SEPTIN1: variants seen among roughly 807,000 people sequenced by gnomAD.
SEPTIN1 encodes septin 1.
In SEPTIN1, 52 loss-of-function variants were observed where a neutral mutation model predicts 50.7. The ratio of observed to expected loss-of-function variants is 1.03; its 90% CI spans 0.82 to 1.29. The LOEUF is 1.29. Among genes scored for constraint, SEPTIN1 ranks in the 50% most tolerant of loss-of-function variants. The pLI, the probability that SEPTIN1 is intolerant of heterozygous loss-of-function variation, is 0.00. For missense variants in SEPTIN1, 455 were observed against 490.7 expected, an observed-to-expected ratio of 0.93 and a Z score of 0.69; for synonymous variants, 204 against 189.1, an observed-to-expected ratio of 1.08 and a Z score of -0.65.
chr16:30,379,854 G>T, intron 7 of SEPTIN1, 78 bp downstream of exon 7: 3 of 795,060 alleles, frequency 3.8e-6, no homozygotes, highest in Non-Finnish European at 4.2e-6. Context: ...GGATCCTCCC[G>T]TCTCAGCCTC....
intron 7 of SEPTIN1, 104 bp from the exon 8 acceptor site, chr16:30,379,638 C>CT: frequency 2.0e-5 from 6 of 295,660 alleles, no homozygotes; most frequent in South Asian, 7.6e-5. Flanking sequence ...CTGCCCCTTC[C>CT]TCTTTTTTTT....
chr16:30,381,563 T>C lies in SEPTIN1; in HGVS notation c.321-90A>G. ...CAGGACTGTGGGAGTAGAATGTCAT[T>C]TCTTTGGCTCCCTCCAAAGACATTA... is the stretch of plus-strand genomic sequence containing the variant. On this transcript the variant is annotated intron_variant, in intron 4 of 10. Coordinates refer to ENST00000321367, the MANE Select transcript of SEPTIN1 (RefSeq NM_001365977.2). The surrounding 1 kb of genome is among the most constrained non-coding windows in gnomAD (Gnocchi z 4.3). 22 of 1,540,890 alleles carry C rather than the reference T, an allele frequency of 1.4e-5. No individual in the cohort carries two copies. Among genetic ancestry groups the C allele is most frequent in the Non-Finnish European group, 2.0e-5 (22 of 1,122,990 alleles).
intron 8 of SEPTIN1, 114 bp downstream of exon 8, chr16:30,379,321 C>T: frequency 7.0e-7 from 1 of 1,429,066 alleles, no homozygotes; most frequent in Non-Finnish European, 9.7e-7. Flanking sequence ...ACCCCCCTTT[C>T]CTCCTAGGAT....
Position 30,382,177 on chromosome 16 carries a change from C to A in SEPTIN1, c.112G>T (p.Glu38Ter). ...GFDFTLMVAG[E>*]SGLGKSTLIN... The stretch of plus-strand genomic sequence containing the variant: ...AGGGTGGATTTCCCTAGGCCTGACT[C>A]CCCTGTGGACAGAACAGGCCCAACT... Residue 38 changes from glutamate to a stop codon, truncating the protein, a stop_gained and splice_region_variant, in exon 3 of 11, where the codon GAG (glutamate) becomes TAG (stop). Coordinates refer to ENST00000321367, the MANE Select transcript of SEPTIN1 (RefSeq NM_001365977.2). LOFTEE classifies it high-confidence loss of function. This position sits in a 1 kb window ranked among gnomAD's most constrained non-coding sequence, Gnocchi z 4.8. 1 of 1,610,832 alleles carries A rather than the reference C, an allele frequency of 6.2e-7. No homozygotes were observed. The highest frequency in any genetic ancestry group is 8.5e-7 in the Non-Finnish European group (1 of 1,178,528).
intron 8 of SEPTIN1, 70 bp from the exon 9 acceptor site, chr16:30,379,253 G>T: frequency 6.3e-7 from 1 of 1,581,646 alleles, no homozygotes; most frequent in African/African-American, 1.3e-5. Flanking sequence ...TAAGGGTCGG[G>T]TCTACAGGAA....
At chr16:30,379,877 G>A (rs945522183) in intron 7 of SEPTIN1, 55 bp downstream of exon 7, 8 of 961,098 alleles carry the variant, frequency 8.3e-6, no homozygotes, top group Non-Finnish European at 1.3e-5. Flanking sequence ...AAAGTGCTGG[G>A]ATTACAGACG....
At position 30,379,899 on chromosome 16, in the gene SEPTIN1, G is replaced by C. The variant is rs200932516; in HGVS notation, c.675+33C>G. The C allele has an allele frequency of 2.6e-4, 316 of 1,203,674 alleles. 1 individual carries two copies. In the East Asian group the frequency reaches 4.0e-3, roughly 15 times the overall value. The allele number at this position is 1,203,674 out of a possible 1,614,324, so 74.6% of individuals were successfully genotyped here. On this transcript the variant is annotated intron_variant, in intron 7 of 10. Transcript: ENST00000321367. Reference sequence around the variant, plus strand: ...TGGGATTACAGACGTGAGCCACCGTGCCCGGCCTGCCTTCCTTCTTTGTTT... The same window carrying C: ...TGGGATTACAGACGTGAGCCACCGTCCCCGGCCTGCCTTCCTTCTTTGTTT...
At chr16:30,379,303 G>T (rs2049805001) in intron 8 of SEPTIN1, 120 bp from the exon 9 acceptor site, 2 of 1,457,588 alleles carry the variant, frequency 1.4e-6, no homozygotes, top group Non-Finnish European at 1.9e-6. Flanking sequence ...GCGGTCTGCA[G>T]CCCAGCGACC....
At chr16:30,379,562 A>G in intron 7 of SEPTIN1, 28 bp from the exon 8 acceptor site, 1 of 1,549,398 alleles carries the variant, frequency 6.5e-7, no homozygotes, top group Non-Finnish European at 8.9e-7. Context: ...GGGGTTCACC[A>G]TTGGCTCACA....
At chr16:30,382,641 C>T (rs1597009807), upstream of SEPTIN1, 1 of 1,541,562 alleles carries the variant, frequency 6.5e-7, no homozygotes. The surrounding 1 kb of genome is among the most constrained non-coding windows in gnomAD (Gnocchi z 4.8). Context: ...GATGCTCAAA[C>T]TGGCCCAGTC....
Position 30,381,906 on chromosome 16 carries a change from G to A in SEPTIN1, c.197-23C>T, listed in dbSNP as rs1391596721. On this transcript the variant is annotated intron_variant, in intron 3 of 10. Transcript: ENST00000321367. The surrounding 1 kb of genome is among the most constrained non-coding windows in gnomAD (Gnocchi z 4.3). ...GAGCTGTGGGATGGGGGAGAGGTCA[G>A]GGATCCGGGGAGGCTCTGAGGCAGA... 4 of 1,613,550 alleles carry A rather than the reference G, an allele frequency of 2.5e-6. No individual in the cohort carries two copies. The highest frequency in any genetic ancestry group is 3.3e-4 in the Middle Eastern group (2 of 6,082).
At position 30,381,063 on chromosome 16, in the gene SEPTIN1, A is replaced by G. The variant is rs2049840324; in HGVS notation, c.573+64T>C. The G allele has an allele frequency of 7.9e-7, 1 of 1,272,652 alleles. No homozygotes were observed. The highest frequency in any genetic ancestry group is 1.5e-5 in the African/African-American group (1 of 68,286). The allele number at this position is 1,272,652 out of a possible 1,614,324, so 78.8% of individuals were successfully genotyped here. ...CAGAAAGGCCACTTCAAGATCAAAG[A>G]AGTCTAAGCTGAAATCAGGTTTGGC... is the stretch of plus-strand genomic sequence containing the variant. On this transcript the variant is annotated intron_variant, in intron 6 of 10. Transcript: ENST00000321367. This position sits in a 1 kb window ranked among gnomAD's most constrained non-coding sequence, Gnocchi z 4.3.
intron 6 of SEPTIN1, chr16:30,380,804 G>T (rs2049835032): frequency 2.7e-6 from 1 of 370,918 alleles, no homozygotes; most frequent in Non-Finnish European, 5.0e-6. Context: ...GGCCGAGAGA[G>T]ATATAAGCAG....
Position 30,381,840 on chromosome 16 carries a change from C to A in SEPTIN1, c.240G>T (p.Glu80Asp), listed in dbSNP as rs764309781. 1.9e-6 allele frequency: 3 copies of A among 1,614,220 alleles called. No individual in the cohort carries two copies. The East Asian group carries it at 6.7e-5, about 36-fold the overall frequency. ...QTLAIERRGV[E>D]IEEGGVKVKL... is the part of the protein sequence containing the mutation. Reference sequence around the variant, plus strand: ...TCACTTTCACACCCCCTTCCTCAATCTCTACGCCCCGGCGCTCAATGGCCA... The same window carrying A: ...TCACTTTCACACCCCCTTCCTCAATATCTACGCCCCGGCGCTCAATGGCCA... The change falls in exon 4 of 11, where the codon GAG (glutamate) becomes GAT (aspartate). Residue 80 changes from glutamate to aspartate, a missense_variant. Glu to Asp is a conservative substitution (Grantham distance 45). Coordinates refer to ENST00000321367, the MANE Select transcript of SEPTIN1 (RefSeq NM_001365977.2). The surrounding 1 kb of genome is among the most constrained non-coding windows in gnomAD (Gnocchi z 4.3).
Position 30,379,501 on chromosome 16 carries a change from C to G in SEPTIN1, c.709G>C (p.Glu237Gln), listed in dbSNP as rs754938047. Residue 237 changes from glutamate to glutamine, a missense_variant, in exon 8 of 11, where the codon GAG becomes CAG. By Grantham distance (29) the Glu-to-Gln change is conservative. Coordinates refer to ENST00000321367, the MANE Select transcript of SEPTIN1 (RefSeq NM_001365977.2). The part of the protein sequence containing the change: ...SIPFAVVGSC[E>Q]VVRDGGNRPV... ...CGGTTCCCGCCATCCCTCACCACCTCGCATGATCCCACGACTGCAAAAGGG... is the reference window on the plus strand; with the variant it reads ...CGGTTCCCGCCATCCCTCACCACCTGGCATGATCCCACGACTGCAAAAGGG... 2 of 1,613,954 alleles carry G rather than the reference C, an allele frequency of 1.2e-6. No individual in the cohort carries two copies. Among genetic ancestry groups the G allele is most frequent in the Non-Finnish European group, 8.5e-7 (1 of 1,180,012 alleles).
chr16:30,382,725 G>A, upstream of SEPTIN1: 1 of 1,536,074 alleles, frequency 6.5e-7, no homozygotes, highest in South Asian at 1.2e-5. This position sits in a 1 kb window ranked among gnomAD's most constrained non-coding sequence, Gnocchi z 4.8. Flanking sequence ...CCCATCACCT[G>A]TCTACGTACC....
chr16:30,379,238 A>C (rs62055458), intron 8 of SEPTIN1, 55 bp from the exon 9 acceptor site: 21 of 1,599,218 alleles, frequency 1.3e-5, no homozygotes, highest in Middle Eastern at 1.7e-4. Context: ...GGTCCAACCC[A>C]CCCGTAAGGG....
chr16:30,382,389 G>C lies in SEPTIN1; in HGVS notation c.19-24C>G. 6.3e-7 allele frequency: 1 copy of C among 1,592,648 alleles called. No homozygotes were observed. The highest frequency in any genetic ancestry group is 8.6e-7 in the Non-Finnish European group (1 of 1,165,824). On this transcript the variant is annotated intron_variant, in intron 1 of 10. Transcript: ENST00000321367. The surrounding 1 kb of genome is among the most constrained non-coding windows in gnomAD (Gnocchi z 4.8). The stretch of plus-strand genomic sequence containing the variant: ...TCCTATGGATGGGGGTGGACAATAT[G>C]AGGCTGCTGGCAATGGCAGGCAGGG...
Position 30,381,663 on chromosome 16 carries a change from C to T in SEPTIN1, c.320+97G>A, listed in dbSNP as rs1262757712. ...AGTGGCCCTCTGAAACAGACACCAC[C>T]TTTTGAGATAGGGAGCCAGCACAAA... On this transcript the variant is annotated intron_variant, in intron 4 of 10. Coordinates refer to ENST00000321367, the MANE Select transcript of SEPTIN1 (RefSeq NM_001365977.2). The surrounding 1 kb of genome is among the most constrained non-coding windows in gnomAD (Gnocchi z 4.3). The T allele has an allele frequency of 1.9e-6, 3 of 1,554,078 alleles. No individual in the cohort carries two copies. In the African/African-American group the frequency reaches 4.1e-5, roughly 21 times the overall value.
Sources: allele counts gnomAD v4.1 joint callset, GRCh38; gene constraint gnomAD v4.1.1; non-coding constraint Gnocchi (gnomAD v3.1); transcripts MANE v1.5; gene names NCBI Gene and HGNC (gene_info 2026-07-23, HGNC 2026-07-21).